The following PDE4D variants were observed in gnomAD, a reference collection of about 807,000 sequenced individuals.
PDE4D encodes the protein 3',5'-cyclic-AMP phosphodiesterase 4D.
Under a neutral mutation model 87.4 loss-of-function variants are expected in PDE4D, and 24 were observed. That is an observed-to-expected ratio of 0.27 (90% confidence interval 0.20 to 0.39). The LOEUF is 0.39. PDE4D is among the 10% of genes least tolerant of loss of function. The pLI is 1.00. For synonymous variants in PDE4D, 384 were observed against 383.2 expected, an observed-to-expected ratio of 1.00 and a Z score of -0.02; for missense variants, 714 against 1,041.0, an observed-to-expected ratio of 0.69 and a Z score of 4.32.
intron 1 of PDE4D, among the ~76,000 whole-genome samples, chr5:60,356,952 G>T (rs375782335): frequency 6.6e-6 from 1 of 152,048 alleles, no homozygotes; most frequent in African/African-American, 2.4e-5. Context: ...GGACACTCAC[G>T]TCCATCAACA....
At chr5:59,521,231 C>G (rs1812183652) in intron 1 of PDE4D, among the ~76,000 whole-genome samples, 1 of 151,928 alleles carries the variant, frequency 6.6e-6, no homozygotes, top group African/African-American at 2.4e-5. Flanking sequence ...GCAGATAGAC[C>G]TGGAAGAAAG....
chr5:60,100,871 C>T (rs777558453), intron 2 of PDE4D, among the ~76,000 whole-genome samples: 3 of 152,098 alleles, frequency 2.0e-5, no homozygotes, highest in Non-Finnish European at 2.9e-5. Flanking sequence ...TGAGGCCTCA[C>T]AAAGGATGTT....
intron 1 of PDE4D, among the ~76,000 whole-genome samples, chr5:59,406,391 TCCTTCCCCCCCC>T (rs148193811): frequency 0.26 from 25,663 of 98,314 alleles, 4,084 homozygotes; most frequent in African/African-American, 0.42. Context: ...TCCTTATCTT[TCCTTCCCCCCCC>T]CCCCCCCCAT....
intron 1 of PDE4D, among the ~76,000 whole-genome samples, chr5:59,752,527 G>A (rs1760624178): frequency 6.6e-6 from 1 of 152,110 alleles, no homozygotes; most frequent in African/African-American, 2.4e-5. Context: ...TGTGAATGAG[G>A]TAGAACTGGT....
At chr5:59,985,299 C>T (rs745503809) in intron 3 of PDE4D, among the ~76,000 whole-genome samples, 148 of 151,742 alleles carry the variant, frequency 9.8e-4, no homozygotes, top group Middle Eastern at 6.8e-3. Context: ...CTGCCAAGCC[C>T]GGCTAATTTT....
At chr5:59,379,251 T>C (rs1562065090) in intron 1 of PDE4D, among the ~76,000 whole-genome samples, 1 of 152,134 alleles carries the variant, frequency 6.6e-6, no homozygotes, top group African/African-American at 2.4e-5. Context: ...CATAAATAAT[T>C]TCCTTATAAC....
At chr5:59,123,899 A>G (rs980936486) in intron 5 of PDE4D, among the ~76,000 whole-genome samples, 2 of 152,208 alleles carry the variant, frequency 1.3e-5, no homozygotes, top group African/African-American at 4.8e-5. Flanking sequence ...CAAGTTGCTT[A>G]AATTCCCTGA....
rs191861361 is a variant in PDE4D at position 59,322,662 on chromosome 5, T to C, written c.456-106694A>G. ...TCTTCCTCATGCTCTCCTCCCTCAG[T>C]GATATTGGGTTTAGTCACATTATGT... is the stretch of plus-strand genomic sequence containing the variant. On this transcript the variant is annotated intron_variant, in intron 1 of 14. Transcript: ENST00000340635. 1.1e-3 allele frequency among the ~76,000 whole-genome samples: 174 copies of C among 152,220 alleles called. 1 individual carries two copies. Among genetic ancestry groups the C allele is most frequent in the Non-Finnish European group, 4.1e-4 (28 of 68,002 alleles).
chr5:59,693,305 A>G (rs1424168141), intron 1 of PDE4D, among the ~76,000 whole-genome samples: 8 of 152,104 alleles, frequency 5.3e-5, no homozygotes, highest in Non-Finnish European at 1.0e-4. Flanking sequence ...CTTCACTCAA[A>G]TGTCCAGAAT....
chr5:59,660,700 T>C (rs966046574), intron 1 of PDE4D, among the ~76,000 whole-genome samples: 1 of 152,136 alleles, frequency 6.6e-6, no homozygotes, highest in African/African-American at 2.4e-5. Context: ...AAAGGCTACT[T>C]TACAATTTTG....
intron 1 of PDE4D, among the ~76,000 whole-genome samples, chr5:59,315,550 G>A (rs1000693648): frequency 1.3e-5 from 2 of 152,112 alleles, no homozygotes; most frequent in African/African-American, 4.8e-5. Context: ...ACAGTCAAAT[G>A]ACTGTCATTG....
chr5:59,254,699 T>C (rs1436752216), intron 1 of PDE4D, among the ~76,000 whole-genome samples: 1 of 152,096 alleles, frequency 6.6e-6, no homozygotes, highest in Non-Finnish European at 1.5e-5. Flanking sequence ...GCACACATAG[T>C]AAAATTTCCC....
At chr5:59,567,691 A>G (rs985803694) in intron 1 of PDE4D, among the ~76,000 whole-genome samples, 7 of 152,186 alleles carry the variant, frequency 4.6e-5, no homozygotes, top group Admixed American at 1.3e-4. Flanking sequence ...ATGTATTTCA[A>G]CTTCAGTAAG....
At chr5:60,061,409 C>G (rs1771388722) in intron 2 of PDE4D, among the ~76,000 whole-genome samples, 3 of 152,102 alleles carry the variant, frequency 2.0e-5, no homozygotes, top group Non-Finnish European at 4.4e-5. Flanking sequence ...GAACTACAAA[C>G]CACTGCTCAA....
At chr5:58,989,060 A>G (rs1415604108) in intron 10 of PDE4D, among the ~76,000 whole-genome samples, 2 of 152,096 alleles carry the variant, frequency 1.3e-5, no homozygotes, top group Non-Finnish European at 2.9e-5. Flanking sequence ...TAGGATTTTT[A>G]GCAGAATTCC....
At chr5:59,926,095 A>C (rs1755239040) in intron 3 of PDE4D, among the ~76,000 whole-genome samples, 1 of 152,196 alleles carries the variant, frequency 6.6e-6, no homozygotes, top group Non-Finnish European at 1.5e-5. Flanking sequence ...ATCAGTCTTA[A>C]GGATAGACCA....
Position 60,424,137 on chromosome 5 carries a change from A to T in PDE4D, c.-90+63805T>A, listed in dbSNP as rs1225063897. ...AGAGGAGCTGGTAACATTCCTTCTGAAACTAATCCAATCAAAAGAAAAAGA... is the reference window on the plus strand; with the variant it reads ...AGAGGAGCTGGTAACATTCCTTCTGTAACTAATCCAATCAAAAGAAAAAGA... On this transcript the variant is annotated intron_variant, in intron 1 of 16. Coordinates refer to the PDE4D transcript ENST00000502484. Among the ~76,000 whole-genome samples the T allele has an allele frequency of 1.3e-5, 2 of 152,234 alleles. 1 individual carries two copies. The highest frequency in any genetic ancestry group is 2.9e-5 in the Non-Finnish European group (2 of 68,034).
At chr5:60,033,390 T>C (rs939606268) in intron 2 of PDE4D, among the ~76,000 whole-genome samples, 2 of 152,132 alleles carry the variant, frequency 1.3e-5, no homozygotes, top group Non-Finnish European at 2.9e-5. Context: ...CAAAAGACAA[T>C]TGTTGATGGT....
At chr5:59,834,997 T>C (rs1232048437) in intron 1 of PDE4D, among the ~76,000 whole-genome samples, 1 of 151,980 alleles carries the variant, frequency 6.6e-6, no homozygotes, top group Non-Finnish European at 1.5e-5. Flanking sequence ...AAAAATATAA[T>C]ACACAATCAG....
Sources: gnomAD v4.1 joint callset for allele counts (sites outside exome capture counted in the v4.1 genomes callset) on GRCh38, gnomAD v4.1.1 for gene constraint, MANE v1.5 for transcripts, NCBI Gene and HGNC (gene_info 2026-07-23, HGNC 2026-07-21) for gene names.